The following PRR13 variants were observed in gnomAD, a reference collection of about 807,000 sequenced individuals.
The protein encoded by PRR13 is proline-rich protein 13.
In PRR13, 7 loss-of-function variants were observed where a neutral mutation model predicts 11.5. The ratio of observed to expected loss-of-function variants is 0.61; its 90% confidence interval spans 0.34 to 1.14. The LOEUF (loss-of-function observed/expected upper bound fraction) is 1.14. PRR13 is among the 50% of genes most tolerant of loss of function. The pLI, the probability that PRR13 is intolerant of heterozygous loss-of-function variation, is 0.03. For synonymous variants in PRR13, 53 were observed against 67.8 expected, an observed-to-expected ratio of 0.78 and a Z score of 1.07; for missense variants, 155 against 194.4, an observed-to-expected ratio of 0.80 and a Z score of 1.21.
chr12:53,444,391 A>G (rs1016073327), intron 3 of PRR13, among the ~76,000 whole-genome samples: 5 of 148,444 alleles, frequency 3.4e-5, no homozygotes, highest in Non-Finnish European at 7.4e-5. Flanking sequence ...TTGCAGTGGC[A>G]CAATCTCGGC....
intron 2 of PRR13, 72 bp from the exon 3 acceptor site, chr12:53,443,317 ATC>A (rs1276335443): frequency 4.0e-6 from 5 of 1,253,372 alleles, no homozygotes; most frequent in Non-Finnish European, 4.1e-6. Context: ...GTGAGAAAGA[ATC>A]TCTTTCTTTT....
chr12:53,442,061 G>A (rs965422704), intron 1 of PRR13: 2 of 536,448 alleles, frequency 3.7e-6, no homozygotes, highest in East Asian at 3.2e-5. Context: ...GTGGTTAAAG[G>A]CCTCCGTACT....
rs1165319644 is a variant in PRR13 at position 53,443,778 on chromosome 12, G to A, written c.402+5G>A. The stretch of plus-strand genomic sequence containing the variant: ...AAGTACCACAAGCATGGCAAGGTCA[G>A]TACCCTCTGGAGACTGGCTAGGGAA... On this transcript the variant is annotated splice_donor_5th_base_variant and intron_variant, in intron 3 of 3. Transcript: ENST00000429243. 1.2e-5 allele frequency: 19 copies of A among 1,595,934 alleles called. No homozygotes were observed. The highest frequency in any genetic ancestry group is 1.6e-5 in the Non-Finnish European group (19 of 1,170,502).
Position 53,442,603 on chromosome 12 carries a change from TG to T in PRR13, c.-20-88del, listed in dbSNP as rs1940314959. 1.0e-5 allele frequency: 11 copies of T among 1,067,646 alleles called. No individual in the cohort carries two copies. The South Asian group carries it at 1.4e-4, about 14-fold the overall frequency. 66.1% of individuals were successfully genotyped at this position (1,067,646 alleles called of 1,614,324 possible). A position where few individuals can be genotyped will look rare whatever the true frequency, so the allele number is the denominator to read the frequency against. ...GTTCTCCAGGTAGGAGAGCCTACTG[TG>T]GGGTGGAAGACGTTAGGGCTGGGCT... is the stretch of plus-strand genomic sequence containing the variant. On this transcript the variant is annotated intron_variant, in intron 1 of 3. Transcript: ENST00000429243.
chr12:53,445,891 C>A, intron 3 of PRR13, 124 bp from the exon 4 acceptor site: 1 of 1,436,842 alleles, frequency 7.0e-7, no homozygotes, highest in Non-Finnish European at 9.7e-7. Context: ...GACTCCTGAC[C>A]TTCTTAGGGA....
chr12:53,445,994 C>T, intron 3 of PRR13, 21 bp from the exon 4 acceptor site: 2 of 1,612,346 alleles, frequency 1.2e-6, no homozygotes, highest in South Asian at 1.1e-5. Context: ...CTTCTTTCCC[C>T]TTTCCCCTTT....
rs758865558 is a variant in PRR13 at position 53,441,769 on chromosome 12, G to C, written c.-44G>C. On this transcript the variant is annotated 5_prime_UTR_variant, in exon 1 of 4. Transcript: ENST00000429243. ...AGCCGAGACTGCGAAGGAGAACGCAGCAAGCCCAGGCGGCGGTGGAAAGGT... is the reference window on the plus strand; with the variant it reads ...AGCCGAGACTGCGAAGGAGAACGCACCAAGCCCAGGCGGCGGTGGAAAGGT... The C allele has an allele frequency of 1.9e-5, 13 of 702,280 alleles. No individual in the cohort carries two copies. Among genetic ancestry groups the C allele is most frequent in the Non-Finnish European group, 3.1e-5 (12 of 384,824 alleles). 43.5% of individuals were successfully genotyped at this position (702,280 alleles called of 1,614,324 possible). A position where few individuals can be genotyped will look rare whatever the true frequency, so the allele number is the denominator to read the frequency against.
intron 2 of PRR13, 98 bp from the exon 3 acceptor site, chr12:53,443,293 C>T: frequency 1.6e-6 from 2 of 1,217,612 alleles, no homozygotes; most frequent in Non-Finnish European, 2.1e-6. Context: ...TTTCCGTTTC[C>T]CTTTAAGTAT....
At chr12:53,442,799 T>G (rs1940320626) in intron 2 of PRR13, 66 bp downstream of exon 2, 1 of 1,533,274 alleles carries the variant, frequency 6.5e-7, no homozygotes, top group East Asian at 2.3e-5. Flanking sequence ...ACAGGAAGTT[T>G]CTGTATCAGC....
At chr12:53,442,345 A>T (rs913945618) in intron 1 of PRR13, 1 of 255,392 alleles carries the variant, frequency 3.9e-6, no homozygotes, top group East Asian at 1.2e-4. Flanking sequence ...CCCGGGTTCA[A>T]GCAATTTTCC....
At chr12:53,444,328 G>A (rs1031245541) in intron 3 of PRR13, among the ~76,000 whole-genome samples, 1 of 144,750 alleles carries the variant, frequency 6.9e-6, no homozygotes, top group African/African-American at 2.8e-5. Context: ...GGACTAAGGA[G>A]GTTTTTTTTT....
Position 53,444,486 on chromosome 12 carries a change from C to T in PRR13, c.402+713C>T, listed in dbSNP as rs541717059. Among the ~76,000 whole-genome samples, 36 of 152,202 alleles carry T rather than the reference C, an allele frequency of 2.4e-4. 1 individual carries two copies. The highest frequency in any genetic ancestry group is 1.2e-3 in the South Asian group (6 of 4,820). On this transcript the variant is annotated intron_variant, in intron 3 of 3. Coordinates refer to ENST00000429243, the MANE Select transcript of PRR13 (RefSeq NM_018457.4). ...CTGGGACTACAGGCGCCCGCCACCG[C>T]GCCCGGCTAATTCTTTGTATTTTTA...
intron 2 of PRR13, chr12:53,443,081 T>A (rs1272704031): frequency 2.7e-6 from 1 of 369,034 alleles, no homozygotes; most frequent in East Asian, 4.5e-5. Context: ...GGTCTCAAAC[T>A]CATGGCCTCA....
In PRR13 at chr12:53,446,409, A is replaced by G. The variant is rs540874597; in HGVS notation, c.*350A>G. Reference sequence around the variant, plus strand: ...GATTGGGGAGGTTTGTGGAAATTCAATTATGATGAAAAACCTATCTTTTTT... The same window carrying G: ...GATTGGGGAGGTTTGTGGAAATTCAGTTATGATGAAAAACCTATCTTTTTT... On this transcript the variant is annotated 3_prime_UTR_variant, in exon 4 of 4. Transcript: ENST00000429243. 8.1e-5 allele frequency: 18 copies of G among 222,022 alleles called. No individual in the cohort carries two copies. Among genetic ancestry groups the G allele is most frequent in the Non-Finnish European group, 1.6e-4 (18 of 114,208 alleles). The allele number at this position is 222,022 out of a possible 1,614,324, so 13.8% of individuals were successfully genotyped here.
intron 1 of PRR13, chr12:53,442,438 T>G: frequency 2.9e-6 from 1 of 339,372 alleles, no homozygotes; most frequent in Non-Finnish European, 5.5e-6. Flanking sequence ...AGAGACGGGG[T>G]TTCACGATGT....
In PRR13 at chr12:53,446,017, TTCC is replaced by T. The variant is rs1565848115; in HGVS notation, c.411_413del (p.Ser145del). On this transcript the variant is annotated inframe_deletion, in exon 4 of 4. Transcript: ENST00000429243. ...CCCTTTCCCCTTTCCCCTTGCAGCA[TTCC>T]TCCTCTTCCTCCTCCTCTTCCAGCA... 1 of 1,614,110 alleles carries T rather than the reference TTCC, an allele frequency of 6.2e-7. No individual in the cohort carries two copies. The highest frequency in any genetic ancestry group is 2.2e-5 in the East Asian group (1 of 44,882).
At chr12:53,445,986 T>TCTTTCTC in intron 3 of PRR13, 29 bp from the exon 4 acceptor site, 1 of 1,612,002 alleles carries the variant, frequency 6.2e-7, no homozygotes, top group Non-Finnish European at 8.5e-7. Context: ...GATGCTATCT[T>TCTTTCTC]CTTTCCCCTT....
At chr12:53,442,636 C>T (rs1161692167) in intron 1 of PRR13, 59 bp from the exon 2 acceptor site, 3 of 1,474,016 alleles carry the variant, frequency 2.0e-6, no homozygotes, top group Admixed American at 1.7e-5. Context: ...GGCTCCGGTG[C>T]TAAGTCCACT....
chr12:53,444,897 A>G (rs185253943), intron 3 of PRR13, among the ~76,000 whole-genome samples: 125 of 152,230 alleles, frequency 8.2e-4, no homozygotes, highest in African/African-American at 2.8e-3. Flanking sequence ...ACTCCATCTC[A>G]AACAAACAAA....
Sources: allele counts gnomAD v4.1 joint callset (sites outside exome capture counted in the v4.1 genomes callset), GRCh38; gene constraint gnomAD v4.1.1; transcripts MANE v1.5; gene names NCBI Gene and HGNC (gene_info 2026-07-23, HGNC 2026-07-21).